Variants in IGF1 observed in about 807,000 individuals in gnomAD.
IGF1 encodes insulin-like growth factor 1.
In IGF1, 4 loss-of-function variants were observed where a neutral mutation model predicts 13.8. The observed-to-expected ratio is 0.29, with a 90% confidence interval of 0.14 to 0.66. IGF1 has a LOEUF of 0.66. Among genes scored for constraint, IGF1 ranks in the 30% least tolerant of loss-of-function variants. IGF1 has a pLI of 0.78. For missense variants in IGF1, 124 were observed against 188.5 expected (o/e 0.66, Z 2.00); for synonymous variants, 76 against 72.6 (o/e 1.05, Z -0.23).
chr12:102,450,050 G>C (rs1272243839), intron 2 of IGF1, among the ~76,000 whole-genome samples: 1 of 152,164 alleles, frequency 6.6e-6, no homozygotes, highest in Admixed American at 6.5e-5. Flanking sequence ...TTTTATTAAA[G>C]TGATGGACTC....
intron 2 of IGF1, among the ~76,000 whole-genome samples, chr12:102,473,525 G>T (rs1372826924): frequency 1.3e-5 from 2 of 152,158 alleles, no homozygotes; most frequent in Non-Finnish European, 2.9e-5. Flanking sequence ...GTGCATGAGG[G>T]TATGTCGGAT....
At chr12:102,441,022 G>A (rs527390483) in intron 2 of IGF1, among the ~76,000 whole-genome samples, 2 of 152,170 alleles carry the variant, frequency 1.3e-5, no homozygotes, top group African/African-American at 4.8e-5. Context: ...ATATTGTGTT[G>A]GGGAATATGC....
At chr12:102,429,085 G>A (rs747798394) in intron 2 of IGF1, among the ~76,000 whole-genome samples, 4 of 152,072 alleles carry the variant, frequency 2.6e-5, no homozygotes, top group Non-Finnish European at 4.4e-5. Context: ...AAGTCTATAC[G>A]AAGAGTGCTC....
At chr12:102,424,740 G>C (rs555329182) in intron 2 of IGF1, among the ~76,000 whole-genome samples, 1 of 152,178 alleles carries the variant, frequency 6.6e-6, no homozygotes, top group African/African-American at 2.4e-5. Flanking sequence ...TTATAAGGAA[G>C]ACTTGAGTCC....
At chr12:102,413,881 T>C (rs1874858274) in intron 3 of IGF1, among the ~76,000 whole-genome samples, 1 of 152,186 alleles carries the variant, frequency 6.6e-6, no homozygotes, top group Non-Finnish European at 1.5e-5. Context: ...GAATTATTCA[T>C]AGAACCAGGG....
chr12:102,474,550 C>T (rs1880895003), intron 2 of IGF1, among the ~76,000 whole-genome samples: 1 of 152,188 alleles, frequency 6.6e-6, no homozygotes, highest in Admixed American at 6.5e-5. Flanking sequence ...CCCCACCTGC[C>T]TAGAGAGAGG....
Position 102,441,906 on chromosome 12 carries a change from G to GCTGCTGCTGCTGCTT in IGF1, c.221-22217_221-22216insAAGCAGCAGCAGCAG. On this transcript the variant is annotated intron_variant, in intron 2 of 3. Coordinates refer to ENST00000337514, the MANE Select transcript of IGF1 (RefSeq NM_000618.5). ...GAGCACTAAGTCATTCTATTACACT[G>GCTGCTGCTGCTGCTT]CTTCTTCTCCTTCTTCTTCTTCTTC... Among the ~76,000 whole-genome samples, 132 of 100,336 alleles carry GCTGCTGCTGCTGCTT rather than the reference G, an allele frequency of 1.3e-3. 5 individuals are homozygous for GCTGCTGCTGCTGCTT. Among genetic ancestry groups the GCTGCTGCTGCTGCTT allele is most frequent in the African/African-American group, 1.7e-3 (44 of 25,462 alleles). The allele number at this position is 100,336 out of a possible 152,430, so 65.8% of individuals were successfully genotyped here. A position where few individuals can be genotyped will look rare whatever the true frequency, so the allele number is the denominator to read the frequency against.
intron 2 of IGF1, among the ~76,000 whole-genome samples, chr12:102,434,315 A>T (rs1194406331): frequency 8.8e-6 from 1 of 113,616 alleles, no homozygotes; most frequent in Non-Finnish European, 1.7e-5. Flanking sequence ...CCACCCCACA[A>T]CAGTCCCCAG....
intron 2 of IGF1, among the ~76,000 whole-genome samples, chr12:102,436,318 C>T (rs1400714820): frequency 6.6e-6 from 1 of 152,158 alleles, no homozygotes; most frequent in African/African-American, 2.4e-5. Context: ...AAATGGAAAG[C>T]GAGAAACACA....
chr12:102,410,328 G>T (rs1341428059), intron 3 of IGF1, among the ~76,000 whole-genome samples: 1 of 152,134 alleles, frequency 6.6e-6, no homozygotes, highest in African/African-American at 2.4e-5. Context: ...TTTATGGGCA[G>T]CTTGTTTGCT....
At chr12:102,455,247 G>A (rs1249509154) in intron 2 of IGF1, among the ~76,000 whole-genome samples, 2 of 152,218 alleles carry the variant, frequency 1.3e-5, no homozygotes, top group African/African-American at 4.8e-5. Context: ...TGCACAGCAA[G>A]TGCAGTTAAC....
At chr12:102,476,008 G>A (rs968965357) in intron 1 of IGF1, among the ~76,000 whole-genome samples, 4 of 152,144 alleles carry the variant, frequency 2.6e-5, no homozygotes, top group African/African-American at 9.7e-5. Flanking sequence ...TATTCCCCTG[G>A]CTACTGTGGA....
At chr12:102,457,709 C>A (rs1474160698) in intron 2 of IGF1, among the ~76,000 whole-genome samples, 1 of 152,098 alleles carries the variant, frequency 6.6e-6, no homozygotes, top group East Asian at 1.9e-4. Flanking sequence ...TTGAGATCTG[C>A]CATATCCAGG....
intron 2 of IGF1, among the ~76,000 whole-genome samples, chr12:102,448,603 T>C (rs1053452098): frequency 2.1e-5 from 3 of 141,222 alleles, no homozygotes; most frequent in African/African-American, 7.9e-5. Flanking sequence ...GACACATTAG[T>C]GGGTGCAGCG....
Position 102,396,910 on chromosome 12 carries a change from G to C in IGF1, c.*5597C>G. The stretch of plus-strand genomic sequence containing the variant: ...AGATCCATGTAATCATACATTAAGA[G>C]GGAACACATGGGCAGGGTGTGGTGG... On this transcript the variant is annotated 3_prime_UTR_variant, in exon 4 of 4. Transcript: ENST00000337514. 2.5e-6 allele frequency: 1 copy of C among 398,364 alleles called. No individual in the cohort carries two copies. Among genetic ancestry groups the C allele is most frequent in the Non-Finnish European group, 4.4e-6 (1 of 225,990 alleles). The allele number at this position is 398,364 out of a possible 1,614,324, so 24.7% of individuals were successfully genotyped here.
intron 2 of IGF1, among the ~76,000 whole-genome samples, chr12:102,457,434 G>T (rs1181332559): frequency 1.3e-5 from 2 of 152,070 alleles, no homozygotes; most frequent in African/African-American, 4.8e-5. Flanking sequence ...GACTGGCCTG[G>T]CAGCTCTACA....
intron 2 of IGF1, among the ~76,000 whole-genome samples, chr12:102,431,290 T>G (rs1486577459): frequency 6.6e-6 from 1 of 152,228 alleles, no homozygotes; most frequent in Non-Finnish European, 1.5e-5. Flanking sequence ...ACTAATTAGC[T>G]ACTGAGAGAG....
chr12:102,452,059 A>G (rs995492735), intron 2 of IGF1, among the ~76,000 whole-genome samples: 13 of 151,948 alleles, frequency 8.6e-5, no homozygotes, highest in Admixed American at 2.0e-4. Context: ...TTAGAAGATC[A>G]AGACCATCCT....
At chr12:102,417,952 A>G in intron 3 of IGF1, 1 of 1,613,622 alleles carries the variant, frequency 6.2e-7, no homozygotes. Context: ...GTCTTTGGCC[A>G]ACCTTTCCTT....
Sources: gnomAD v4.1 joint callset for allele counts (sites outside exome capture counted in the v4.1 genomes callset) on GRCh38, gnomAD v4.1.1 for gene constraint, MANE v1.5 for transcripts, NCBI Gene and HGNC (gene_info 2026-07-23, HGNC 2026-07-21) for gene names.